NEGR1: variants seen among roughly 807,000 people sequenced by gnomAD.
NEGR1 encodes neuronal growth regulator 1, also known as IgLON family member 4.
In NEGR1, 10 loss-of-function variants were observed where a neutral mutation model predicts 40.9. The observed-to-expected ratio is 0.24, with a 90% CI of 0.15 to 0.42. The LOEUF (loss-of-function observed/expected upper bound fraction) is 0.42. Ranked by LOEUF, NEGR1 falls within the 10% of genes least tolerant of loss-of-function variation. The pLI is 1.00. For synonymous variants in NEGR1, 185 were observed against 166.8 expected, an observed-to-expected ratio of 1.11 and a Z score of -0.84; for missense variants, 352 against 438.9, an observed-to-expected ratio of 0.80 and a Z score of 1.77.
chr1:72,280,240 TG>T (rs979466020), intron 1 of NEGR1, among the ~76,000 whole-genome samples: 2 of 152,162 alleles, frequency 1.3e-5, no homozygotes, highest in African/African-American at 4.8e-5. Context: ...GAACTAAACA[TG>T]GGTCTCCTGG....
At chr1:72,013,594 T>A (rs1646680108) in intron 1 of NEGR1, among the ~76,000 whole-genome samples, 1 of 152,098 alleles carries the variant, frequency 6.6e-6, no homozygotes, top group African/African-American at 2.4e-5. Flanking sequence ...CACTATAATT[T>A]GTAATATAAA....
chr1:71,652,192 A>G (rs1651738509), intron 4 of NEGR1, among the ~76,000 whole-genome samples: 1 of 152,188 alleles, frequency 6.6e-6, no homozygotes, highest in African/African-American at 2.4e-5. Flanking sequence ...ATTTCTGCCA[A>G]TTGCTTGAGA....
intron 1 of NEGR1, among the ~76,000 whole-genome samples, chr1:72,111,454 A>C (rs1649367631): frequency 6.6e-6 from 1 of 151,754 alleles, no homozygotes; most frequent in Non-Finnish European, 1.5e-5. Flanking sequence ...TATCATGAAA[A>C]AAAGATTCAT....
At chr1:72,027,326 C>T (rs2100432045) in intron 1 of NEGR1, among the ~76,000 whole-genome samples, 1 of 152,146 alleles carries the variant, frequency 6.6e-6, no homozygotes, top group East Asian at 1.9e-4. Flanking sequence ...CTGTTTTTAG[C>T]ACATTTTGAG....
Position 71,862,700 on chromosome 1 carries a change from A to G in NEGR1, c.409+72379T>C, listed in dbSNP as rs78988845. Among the ~76,000 whole-genome samples, 29 of 152,176 alleles carry G rather than the reference A, an allele frequency of 1.9e-4. No homozygotes were observed. The East Asian group carries it at 5.4e-3, about 28-fold the overall frequency. ...GGGTACATCATATGCCATCAAAAATACATTTGAGGGCTAATATCCAGAGTT... is the reference window on the plus strand; with the variant it reads ...GGGTACATCATATGCCATCAAAAATGCATTTGAGGGCTAATATCCAGAGTT... On this transcript the variant is annotated intron_variant, in intron 2 of 6. Transcript: ENST00000357731.
In NEGR1 at chr1:71,574,624, C is replaced by T. The variant is rs375159809; in HGVS notation, c.940+18193G>A. On this transcript the variant is annotated intron_variant, in intron 6 of 6. Coordinates refer to ENST00000357731, the MANE Select transcript of NEGR1 (RefSeq NM_173808.3). ...ATGGGAGTTTATAGATAATTAGTGA[C>T]TTAAAAATAGCATTCATGTCTTAGG... 5.9e-5 allele frequency among the ~76,000 whole-genome samples: 9 copies of T among 152,074 alleles called. 1 individual carries two copies. In the East Asian group the frequency reaches 7.7e-4, roughly 13 times the overall value.
intron 1 of NEGR1, 91 bp from the exon 2 acceptor site, chr1:71,935,402 T>A (rs551529762): frequency 1.2e-6 from 1 of 825,768 alleles, no homozygotes; most frequent in African/African-American, 1.7e-5. Flanking sequence ...TTTTGCTGAA[T>A]AATAGCACAG....
chr1:71,831,868 G>A (rs1658853550), intron 2 of NEGR1, among the ~76,000 whole-genome samples: 1 of 151,880 alleles, frequency 6.6e-6, no homozygotes, highest in Non-Finnish European at 1.5e-5. Context: ...TGTCTATGGA[G>A]CACTGTGGGC....
At chr1:71,971,186 T>C (rs1396123615) in intron 1 of NEGR1, among the ~76,000 whole-genome samples, 11 of 152,198 alleles carry the variant, frequency 7.2e-5, no homozygotes, top group Non-Finnish European at 1.5e-4. Context: ...CCAAGAATGG[T>C]ATTTTTCCCA....
At chr1:72,088,897 G>A (rs971557179) in intron 1 of NEGR1, among the ~76,000 whole-genome samples, 2 of 138,518 alleles carry the variant, frequency 1.4e-5, no homozygotes, top group African/African-American at 5.4e-5. Flanking sequence ...TGCAACCTCC[G>A]CATCCGGGTT....
At chr1:71,801,879 A>G (rs1486829136) in intron 2 of NEGR1, among the ~76,000 whole-genome samples, 2 of 152,358 alleles carry the variant, frequency 1.3e-5, no homozygotes, top group African/African-American at 2.4e-5. Context: ...AGAGGAAGAC[A>G]GTAGTGCAAG....
chr1:71,821,959 A>G (rs1182162915), intron 2 of NEGR1, among the ~76,000 whole-genome samples: 3 of 152,016 alleles, frequency 2.0e-5, no homozygotes, highest in East Asian at 3.9e-4. Flanking sequence ...CAGGTCACAT[A>G]GGAGGTCAGG....
At chr1:71,489,685 TC>T in intron 6 of NEGR1, 1 of 152,016 alleles carries the variant, frequency 6.6e-6, no homozygotes, top group Non-Finnish European at 1.5e-5. Flanking sequence ...TTTTCTTTTT[TC>T]TTTTTTTTCC....
chr1:71,603,933 C>T (rs1179245049), intron 5 of NEGR1, among the ~76,000 whole-genome samples: 1 of 152,122 alleles, frequency 6.6e-6, no homozygotes, highest in Non-Finnish European at 1.5e-5. Context: ...CCCTGCTTTA[C>T]CTCACTGTTG....
At chr1:71,478,937 T>G (rs954960148) in intron 6 of NEGR1, among the ~76,000 whole-genome samples, 1 of 152,034 alleles carries the variant, frequency 6.6e-6, no homozygotes, top group Non-Finnish European at 1.5e-5. Flanking sequence ...CTGAATCCAG[T>G]GCCTCTGGTC....
chr1:71,589,030 C>T (rs898853690), intron 6 of NEGR1, among the ~76,000 whole-genome samples: 8 of 152,152 alleles, frequency 5.3e-5, no homozygotes, highest in African/African-American at 1.9e-4. Context: ...TCTCTATTTC[C>T]TCATCTATTT....
At chr1:71,997,215 T>C (rs1270050403) in intron 1 of NEGR1, among the ~76,000 whole-genome samples, 2 of 152,062 alleles carry the variant, frequency 1.3e-5, no homozygotes, top group Admixed American at 6.6e-5. Context: ...TCTCCAATTC[T>C]AGTTAGGTCT....
chr1:71,555,630 AT>A (rs1276097058), intron 6 of NEGR1, among the ~76,000 whole-genome samples: 1 of 151,566 alleles, frequency 6.6e-6, no homozygotes, highest in Non-Finnish European at 1.5e-5. Flanking sequence ...AAAGTGTGAC[AT>A]TTTTTCAAAT....
At position 71,399,911 on chromosome 1, in the gene NEGR1, T is replaced by G. The variant is rs985551974; in HGVS notation, c.*7535A>C. The G allele has an allele frequency of 3.3e-5, 5 of 152,202 alleles. No individual in the cohort carries two copies. The highest frequency in any genetic ancestry group is 3.3e-4 in the Admixed American group (5 of 15,284). The allele number at this position is 152,202 out of a possible 1,614,324, so 9.4% of individuals were successfully genotyped here. On this transcript the variant is annotated 3_prime_UTR_variant, in exon 7 of 7. Transcript: ENST00000357731. Reference sequence around the variant, plus strand: ...AATTTTGTTCCTTAGCTTTAGCATATTATAGTCTTCAACGAATATTTTGTA... The same window carrying G: ...AATTTTGTTCCTTAGCTTTAGCATAGTATAGTCTTCAACGAATATTTTGTA...
Sources: gnomAD v4.1 joint callset for allele counts (sites outside exome capture counted in the v4.1 genomes callset) on GRCh38, gnomAD v4.1.1 for gene constraint, MANE v1.5 for transcripts, NCBI Gene and HGNC (gene_info 2026-07-23, HGNC 2026-07-21) for gene names.